The following RBFOX1 variants were observed in gnomAD, a reference collection of about 807,000 sequenced individuals.
RBFOX1 encodes the protein RNA binding fox-1 homolog 1.
In RBFOX1, 8 loss-of-function variants were observed where a neutral mutation model predicts 57.7. That is an observed-to-expected ratio of 0.14 (90% CI 0.08 to 0.25). The LOEUF (loss-of-function observed/expected upper bound fraction) is 0.25. Ranked by LOEUF, RBFOX1 falls within the 10% of genes least tolerant of loss-of-function variation. The pLI, the probability that RBFOX1 is intolerant of heterozygous loss-of-function variation, is 1.00. For missense variants in RBFOX1, 611 were observed against 548.5 expected, an observed-to-expected ratio of 1.11 and a Z score of -1.14; for synonymous variants, 326 against 222.4, an observed-to-expected ratio of 1.47 and a Z score of -4.15.
At chr16:7,615,334 AAAT>A (rs900721016) in intron 10 of RBFOX1, among the ~76,000 whole-genome samples, 4 of 55,022 alleles carry the variant, frequency 7.3e-5, no homozygotes, top group African/African-American at 1.4e-4. Flanking sequence ...CTCCATCTCA[AAAT>A]AATAATAATA....
chr16:7,285,831 CTG>C (rs1218295637), intron 4 of RBFOX1, among the ~76,000 whole-genome samples: 3 of 152,180 alleles, frequency 2.0e-5, no homozygotes, highest in Non-Finnish European at 4.4e-5. Flanking sequence ...ATAAATAAAA[CTG>C]TTACAAATCT....
At chr16:5,424,814 TTCTCC>T (rs533646606) in intron 1 of RBFOX1, among the ~76,000 whole-genome samples, 24 of 151,136 alleles carry the variant, frequency 1.6e-4, no homozygotes, top group Admixed American at 1.1e-3. Context: ...CTGTTTTCTC[TTCTCC>T]TCTCCTCTCC....
At position 6,928,411 on chromosome 16, in the gene RBFOX1, T is replaced by G. The variant is rs1532225; in HGVS notation, c.-15-123646T>G. Among the ~76,000 whole-genome samples, 226 of 152,282 alleles carry G rather than the reference T, an allele frequency of 1.5e-3. 1 individual carries two copies. Among genetic ancestry groups the G allele is most frequent in the Non-Finnish European group, 4.6e-4 (31 of 68,036 alleles). ...GGCCCTGTGGGAGCAGAGGTTGTTG[T>G]AGGATAATGAAGGGGTGAGCTGGCA... is the stretch of plus-strand genomic sequence containing the variant. On this transcript the variant is annotated intron_variant, in intron 3 of 15. Coordinates refer to ENST00000550418, the MANE Select transcript of RBFOX1 (RefSeq NM_018723.4).
At chr16:7,597,254 G>A in intron 8 of RBFOX1, 117 bp from the exon 9 acceptor site, 1 of 647,434 alleles carries the variant, frequency 1.5e-6, no homozygotes, top group Non-Finnish European at 2.6e-6. Flanking sequence ...AAATTAAAAT[G>A]CATTTTACTT....
intron 2 of RBFOX1, among the ~76,000 whole-genome samples, chr16:6,529,781 T>G (rs2096631064): frequency 6.6e-6 from 1 of 152,128 alleles, no homozygotes; most frequent in African/African-American, 2.4e-5. Flanking sequence ...TAGTAACACT[T>G]GAGAATCTGA....
At chr16:7,068,772 A>C (rs1401795188) in intron 4 of RBFOX1, among the ~76,000 whole-genome samples, 1 of 152,120 alleles carries the variant, frequency 6.6e-6, no homozygotes, top group African/African-American at 2.4e-5. Context: ...TATTTTTAGC[A>C]GAGATGGAGT....
At chr16:6,362,320 A>G (rs1055647873) in intron 2 of RBFOX1, among the ~76,000 whole-genome samples, 1 of 152,154 alleles carries the variant, frequency 6.6e-6, no homozygotes, top group African/African-American at 2.4e-5. Context: ...TTCAGGAGTA[A>G]ACTTGTAACC....
rs1332148032 is a variant in RBFOX1, at chr16:6,557,006, CATATATATACAT to C, written c.-63-97589_-63-97578del. On this transcript the variant is annotated intron_variant, in intron 2 of 15. Coordinates refer to ENST00000550418, the MANE Select transcript of RBFOX1 (RefSeq NM_018723.4). The stretch of plus-strand genomic sequence containing the variant: ...ACGTATATATACATACATATATATA[CATATATATACAT>C]ATATATACATATATACACATATATA... Among the ~76,000 whole-genome samples, 85 of 136,356 alleles carry C rather than the reference CATATATATACAT, an allele frequency of 6.2e-4. 1 individual carries two copies. The highest frequency in any genetic ancestry group is 2.2e-3 in the African/African-American group (75 of 33,504). 89.5% of individuals were successfully genotyped at this position (136,356 alleles called of 152,430 possible). A position where few individuals can be genotyped will look rare whatever the true frequency, so the allele number is the denominator to read the frequency against.
At chr16:5,818,285 G>A (rs1449275041) in intron 3 of RBFOX1, among the ~76,000 whole-genome samples, 2 of 152,180 alleles carry the variant, frequency 1.3e-5, no homozygotes, top group Non-Finnish European at 2.9e-5. Flanking sequence ...ACAGGGTGAA[G>A]ACCATTACCC....
At chr16:6,568,426 A>G (rs1489921870) in intron 2 of RBFOX1, among the ~76,000 whole-genome samples, 2 of 152,170 alleles carry the variant, frequency 1.3e-5, no homozygotes, top group Admixed American at 6.5e-5. Flanking sequence ...TATGAGACAG[A>G]GAAAGCGGGG....
At chr16:7,335,240 G>C (rs967404321) in intron 4 of RBFOX1, among the ~76,000 whole-genome samples, 1 of 152,200 alleles carries the variant, frequency 6.6e-6, no homozygotes, top group Non-Finnish European at 1.5e-5. Context: ...TTGCTCACTA[G>C]TTTCTTGACC....
intron 4 of RBFOX1, among the ~76,000 whole-genome samples, chr16:5,973,293 C>G (rs529733050): frequency 6.6e-6 from 1 of 152,276 alleles, no homozygotes; most frequent in Non-Finnish European, 1.5e-5. Context: ...CGTCATATGT[C>G]TTTGATGGTT....
intron 2 of RBFOX1, among the ~76,000 whole-genome samples, chr16:6,393,021 G>C (rs1299938204): frequency 1.3e-5 from 2 of 152,206 alleles, no homozygotes; most frequent in Non-Finnish European, 2.9e-5. Context: ...GTGTCTTTAA[G>C]GGAGGTTGAA....
chr16:6,614,151 T>C (rs1015284620), intron 2 of RBFOX1, among the ~76,000 whole-genome samples: 1 of 152,316 alleles, frequency 6.6e-6, no homozygotes, highest in African/African-American at 2.4e-5. Flanking sequence ...CCATGTAAGA[T>C]AATATTTTCT....
intron 4 of RBFOX1, among the ~76,000 whole-genome samples, chr16:7,443,219 T>A (rs1471046013): frequency 6.6e-6 from 1 of 152,132 alleles, no homozygotes; most frequent in African/African-American, 2.4e-5. Flanking sequence ...TTTTTAAATA[T>A]TAAAAGCTGC....
intron 3 of RBFOX1, among the ~76,000 whole-genome samples, chr16:6,785,169 C>A (rs149908939): frequency 8.5e-5 from 13 of 152,048 alleles, no homozygotes; most frequent in Non-Finnish European, 1.8e-4. Context: ...AAGAGATCTA[C>A]GAGATCTGGT....
intron 2 of RBFOX1, among the ~76,000 whole-genome samples, chr16:5,537,909 T>A (rs2044763879): frequency 6.6e-6 from 1 of 152,198 alleles, no homozygotes; most frequent in South Asian, 2.1e-4. Context: ...GCATTGGGTA[T>A]CTTTTTGGAG....
intron 3 of RBFOX1, among the ~76,000 whole-genome samples, chr16:6,788,748 T>G (rs12921034): frequency 0.36 from 54,992 of 151,846 alleles, 10,766 homozygotes; most frequent in Non-Finnish European, 0.44. Context: ...GTGCTGGGAT[T>G]ACAGGTGTGA....
intron 1 of RBFOX1, among the ~76,000 whole-genome samples, chr16:6,125,555 G>T (rs2096583590): frequency 6.6e-6 from 1 of 152,182 alleles, no homozygotes; most frequent in Non-Finnish European, 1.5e-5. Flanking sequence ...CCATATGCCT[G>T]GAGTGCACTT....
Sources: gnomAD v4.1 joint callset for allele counts (sites outside exome capture counted in the v4.1 genomes callset) on GRCh38, gnomAD v4.1.1 for gene constraint, MANE v1.5 for transcripts, NCBI Gene and HGNC (gene_info 2026-07-23, HGNC 2026-07-21) for gene names.